DLGAP2: variants seen among roughly 807,000 people sequenced by gnomAD.
The protein encoded by DLGAP2 is disks large-associated protein 2.
Under a neutral mutation model 100.3 loss-of-function variants are expected in DLGAP2, and 26 were observed. That is an observed-to-expected ratio of 0.26 (90% confidence interval 0.19 to 0.36). DLGAP2 has a LOEUF of 0.36. DLGAP2 is among the 10% of genes least tolerant of loss of function. The probability of loss-of-function intolerance (pLI) is 1.00; values close to 1 mark genes in which losing one functional copy is unlikely to be tolerated. For synonymous variants in DLGAP2, 886 were observed against 630.1 expected (o/e 1.41, Z -6.08); for missense variants, 1,858 against 1,453.2 (o/e 1.28, Z -4.53).
chr8:1,253,612 G>A (rs184765670), intron 2 of DLGAP2, among the ~76,000 whole-genome samples: 17 of 152,284 alleles, frequency 1.1e-4, no homozygotes, highest in East Asian at 7.7e-4. Context: ...TGCTGTTCAC[G>A]TGTGGAGCTC....
chr8:1,447,481 G>A (rs547765640), intron 3 of DLGAP2, among the ~76,000 whole-genome samples: 13 of 152,188 alleles, frequency 8.5e-5, no homozygotes, highest in East Asian at 3.9e-4. Flanking sequence ...TGCTGGATTC[G>A]GTTTGCCAGT....
At chr8:1,189,796 G>A (rs1202981606) in intron 2 of DLGAP2, among the ~76,000 whole-genome samples, 5 of 152,274 alleles carry the variant, frequency 3.3e-5, no homozygotes, top group Admixed American at 6.5e-5. Context: ...TTCCATAAGC[G>A]GGAGGGCTGC....
intron 3 of DLGAP2, among the ~76,000 whole-genome samples, chr8:1,456,882 G>A (rs1798331589): frequency 6.7e-6 from 1 of 150,258 alleles, no homozygotes; most frequent in Non-Finnish European, 1.5e-5. Flanking sequence ...TTGCCAGGGA[G>A]CTCTGTGATG....
At position 1,237,185 on chromosome 8, in the gene DLGAP2, G is replaced by A. The variant is rs1219770652; in HGVS notation, c.74-21666G>A. Among the ~76,000 whole-genome samples the A allele has an allele frequency of 2.9e-4, 38 of 132,934 alleles. 2 individuals carry two copies. In the South Asian group the frequency reaches 6.8e-3, roughly 24 times the overall value. The allele number at this position is 132,934 out of a possible 152,430, so 87.2% of individuals were successfully genotyped here. ...GTGTCTAGTTCTCTCACATGGCGCCGTGTGTAGTTCTCTCACGTGGTGCCG... is the reference window on the plus strand; with the variant it reads ...GTGTCTAGTTCTCTCACATGGCGCCATGTGTAGTTCTCTCACGTGGTGCCG... On this transcript the variant is annotated intron_variant, in intron 2 of 14. Coordinates refer to ENST00000637795, the MANE Select transcript of DLGAP2 (RefSeq NM_001346810.2).
At chr8:962,973 G>T (rs1294516691) in intron 2 of DLGAP2, among the ~76,000 whole-genome samples, 2 of 152,196 alleles carry the variant, frequency 1.3e-5, no homozygotes, top group Non-Finnish European at 2.9e-5. Context: ...TTAGGTTCGG[G>T]GTCCTCTGAT....
At chr8:1,414,256 T>C (rs1053316387) in intron 3 of DLGAP2, among the ~76,000 whole-genome samples, 1 of 152,190 alleles carries the variant, frequency 6.6e-6, no homozygotes, top group African/African-American at 2.4e-5. Flanking sequence ...TGTGGACTCT[T>C]GTGGGGTTGG....
At chr8:806,012 A>G (rs554005394) in intron 1 of DLGAP2, among the ~76,000 whole-genome samples, 1 of 152,174 alleles carries the variant, frequency 6.6e-6, no homozygotes, top group Non-Finnish European at 1.5e-5. Context: ...GAAGAAAAAG[A>G]TAGAATGATG....
At chr8:1,133,995 TC>T (rs1563209274) in intron 2 of DLGAP2, among the ~76,000 whole-genome samples, 2 of 147,586 alleles carry the variant, frequency 1.4e-5, no homozygotes, top group East Asian at 2.2e-4. Context: ...CTCCCCCTCC[TC>T]CCCCCTCCAC....
chr8:1,390,019 G>T (rs1374199413), intron 3 of DLGAP2, among the ~76,000 whole-genome samples: 1 of 152,114 alleles, frequency 6.6e-6, no homozygotes, highest in Non-Finnish European at 1.5e-5. Context: ...GTGTCTGGAT[G>T]GATGTTGCCT....
intron 2 of DLGAP2, among the ~76,000 whole-genome samples, chr8:952,070 GGTTGA>G (rs1799494011): frequency 6.6e-6 from 1 of 152,142 alleles, no homozygotes. Flanking sequence ...TCTCCTTTTT[GGTTGA>G]GTTTTCTAGT....
intron 2 of DLGAP2, among the ~76,000 whole-genome samples, chr8:1,089,175 C>G (rs1462528752): frequency 6.6e-6 from 1 of 152,086 alleles, no homozygotes; most frequent in Non-Finnish European, 1.5e-5. Context: ...CTCACTCTCT[C>G]CACCCCTCAT....
intron 4 of DLGAP2, among the ~76,000 whole-genome samples, chr8:1,526,555 G>C (rs867328207): frequency 6.6e-6 from 1 of 152,224 alleles, no homozygotes; most frequent in Non-Finnish European, 1.5e-5. Context: ...AAGCTGGTTT[G>C]TTCTCATAGC....
intron 2 of DLGAP2, among the ~76,000 whole-genome samples, chr8:1,039,192 C>CAGCTTGGTGTG (rs1802222177): frequency 1.4e-5 from 1 of 70,204 alleles, no homozygotes; most frequent in East Asian, 4.7e-4. Context: ...AGCTCGGTTT[C>CAGCTTGGTGTG]CGTGGTCAGC....
intron 6 of DLGAP2, among the ~76,000 whole-genome samples, chr8:1,570,530 C>A (rs1055377000): frequency 3.3e-5 from 5 of 152,262 alleles, no homozygotes; most frequent in South Asian, 2.1e-4. Flanking sequence ...CCCACCTAAG[C>A]TTTGAGAAGG....
Position 967,185 on chromosome 8 carries a change from C to T in DLGAP2, c.73+59219C>T, listed in dbSNP as rs143148914. Among the ~76,000 whole-genome samples the T allele has an allele frequency of 2.7e-3, 414 of 152,358 alleles. 2 individuals are homozygous for T. Among genetic ancestry groups the T allele is most frequent in the African/African-American group, 9.3e-3 (385 of 41,584 alleles). On this transcript the variant is annotated intron_variant, in intron 2 of 14. Transcript: ENST00000637795. ...GTGCTTTCACTGCCTGTGTCATGTG[C>T]TCATACACTGTACACGTTTAAACAC...
At chr8:986,479 A>G (rs896411174) in intron 2 of DLGAP2, among the ~76,000 whole-genome samples, 1 of 152,092 alleles carries the variant, frequency 6.6e-6, no homozygotes, top group Non-Finnish European at 1.5e-5. Flanking sequence ...TCTAGTGTTA[A>G]GTGTTGCATA....
chr8:1,265,637 A>T (rs1244447147), intron 3 of DLGAP2, among the ~76,000 whole-genome samples: 1 of 152,232 alleles, frequency 6.6e-6, no homozygotes, highest in African/African-American at 2.4e-5. Context: ...ACAAGTACAG[A>T]CACTCCCATG....
chr8:1,066,586 C>T (rs1438529197), intron 2 of DLGAP2, among the ~76,000 whole-genome samples: 2 of 150,474 alleles, frequency 1.3e-5, no homozygotes, highest in African/African-American at 2.5e-5. Context: ...CAGCTCCCCA[C>T]CATGGTCAGG....
intron 2 of DLGAP2, among the ~76,000 whole-genome samples, chr8:1,040,201 C>T (rs1348425291): frequency 1.4e-5 from 2 of 139,848 alleles, no homozygotes; most frequent in African/African-American, 3.0e-5. Flanking sequence ...GCTCAGTGTG[C>T]GTGGTCAGCT....
Sources: gnomAD v4.1 joint callset for allele counts (sites outside exome capture counted in the v4.1 genomes callset) on GRCh38, gnomAD v4.1.1 for gene constraint, MANE v1.5 for transcripts, NCBI Gene and HGNC (gene_info 2026-07-23, HGNC 2026-07-21) for gene names.